SOX5: variants seen among roughly 807,000 people sequenced by gnomAD.
The protein encoded by SOX5 is transcription factor SOX-5.
Under a neutral mutation model 92.0 loss-of-function variants are expected in SOX5, and 9 were observed. The observed-to-expected ratio is 0.10, with a 90% CI of 0.06 to 0.17. The LOEUF (loss-of-function observed/expected upper bound fraction) is 0.17, where lower values mean the gene tolerates loss of function less well. Ranked by LOEUF, SOX5 falls within the 10% of genes least tolerant of loss-of-function variation. The pLI is 1.00. For synonymous variants in SOX5, 344 were observed against 336.3 expected (o/e 1.02, Z -0.25); for missense variants, 642 against 944.5 (o/e 0.68, Z 4.20).
chr12:24,256,159 G>A (rs1463828051), intron 3 of SOX5, among the ~76,000 whole-genome samples: 1 of 152,230 alleles, frequency 6.6e-6, no homozygotes, highest in Non-Finnish European at 1.5e-5. Flanking sequence ...AGCCCGAGAT[G>A]TGTGGCAGAT....
chr12:24,006,532 T>C (rs560917033), intron 4 of SOX5, among the ~76,000 whole-genome samples: 56 of 152,168 alleles, frequency 3.7e-4, no homozygotes, highest in Admixed American at 3.2e-3. Flanking sequence ...GGGAGCTGGA[T>C]GTTTACAGAG....
At chr12:24,242,713 G>A (rs746396158) in intron 3 of SOX5, among the ~76,000 whole-genome samples, 4 of 151,896 alleles carry the variant, frequency 2.6e-5, no homozygotes, top group Non-Finnish European at 5.9e-5. Flanking sequence ...ATAACTGCAG[G>A]GGGCGGTGGG....
At chr12:24,348,413 C>T (rs575339006) in intron 2 of SOX5, among the ~76,000 whole-genome samples, 10 of 122,002 alleles carry the variant, frequency 8.2e-5, no homozygotes, top group African/African-American at 2.7e-4. Context: ...GATGGAGGCT[C>T]ACTCTGTTGC....
intron 3 of SOX5, among the ~76,000 whole-genome samples, chr12:23,845,512 T>G (rs571962115): frequency 6.6e-6 from 1 of 152,284 alleles, no homozygotes; most frequent in African/African-American, 2.4e-5. Context: ...ATCTAAAAGT[T>G]AAAGAATCAC....
chr12:24,151,498 C>T (rs539674022), intron 4 of SOX5, among the ~76,000 whole-genome samples: 11 of 152,050 alleles, frequency 7.2e-5, no homozygotes, highest in Non-Finnish European at 1.5e-4. Context: ...GAAAAGTCCT[C>T]TCTGATACAT....
intron 3 of SOX5, among the ~76,000 whole-genome samples, chr12:23,782,128 G>T (rs1490811024): frequency 6.6e-6 from 1 of 151,952 alleles, no homozygotes; most frequent in Non-Finnish European, 1.5e-5. Flanking sequence ...TATAATTTCA[G>T]TTTCCAACTC....
chr12:23,886,858 T>C (rs2097073365), intron 2 of SOX5, among the ~76,000 whole-genome samples: 1 of 152,178 alleles, frequency 6.6e-6, no homozygotes, highest in South Asian at 2.1e-4. Context: ...CACCAGTATC[T>C]GCTAAAGCAT....
At chr12:23,806,289 A>C (rs1327081422) in intron 3 of SOX5, among the ~76,000 whole-genome samples, 1 of 152,204 alleles carries the variant, frequency 6.6e-6, no homozygotes, top group Non-Finnish European at 1.5e-5. Flanking sequence ...AGAAAGCATT[A>C]GGACAAGAAT....
intron 1 of SOX5, among the ~76,000 whole-genome samples, chr12:24,520,712 GA>G (rs1158121017): frequency 2.6e-5 from 4 of 151,764 alleles, no homozygotes; most frequent in African/African-American, 7.3e-5. Flanking sequence ...TGAATCGATA[GA>G]AAAAAAATCC....
chr12:23,887,307 A>G (rs1417067677), intron 2 of SOX5, among the ~76,000 whole-genome samples: 1 of 152,214 alleles, frequency 6.6e-6, no homozygotes, highest in African/African-American at 2.4e-5. Context: ...AAGAAGATCC[A>G]TTAAGAATGT....
At chr12:23,937,300 T>C (rs898215065) in intron 1 of SOX5, among the ~76,000 whole-genome samples, 4 of 150,960 alleles carry the variant, frequency 2.6e-5, no homozygotes, top group South Asian at 2.1e-4. Context: ...GCATCTAATA[T>C]ATGATATTTA....
intron 1 of SOX5, among the ~76,000 whole-genome samples, chr12:24,444,480 T>TC (rs1941159696): frequency 6.6e-6 from 1 of 152,194 alleles, no homozygotes; most frequent in Non-Finnish European, 1.5e-5. Context: ...CTATTTGAAT[T>TC]CCCCCATAGG....
rs777785887 is a variant in SOX5 at position 24,331,873 on chromosome 12, A to AAAT, written c.-174+36689_-174+36690insATT. On this transcript the variant is annotated intron_variant, in intron 2 of 4. Coordinates refer to the SOX5 transcript ENST00000446891. ...CAAAAAAAAAAAAAAAAAAAAAAAA[A>AAAT]AAGGAAAGAAATTTAAAATACAATC... Among the ~76,000 whole-genome samples the AAAT allele has an allele frequency of 4.6e-4, 65 of 141,302 alleles. 2 individuals are homozygous for AAAT. The highest frequency in any genetic ancestry group is 9.3e-4 in the Non-Finnish European group (58 of 62,598). The allele number at this position is 141,302 out of a possible 152,430, so 92.7% of individuals were successfully genotyped here.
intron 1 of SOX5, among the ~76,000 whole-genome samples, chr12:24,414,012 AG>A (rs1386732780): frequency 6.6e-6 from 1 of 152,214 alleles, no homozygotes; most frequent in Non-Finnish European, 1.5e-5. Flanking sequence ...TGTAGCTCTG[AG>A]TGATAGACTT....
intron 4 of SOX5, among the ~76,000 whole-genome samples, chr12:23,981,002 A>C (rs977671907): frequency 6.6e-6 from 1 of 152,170 alleles, no homozygotes; most frequent in Non-Finnish European, 1.5e-5. Flanking sequence ...CAAAACAGGA[A>C]TAACGTGTTT....
Position 24,014,305 on chromosome 12 carries a change from T to C in SOX5, c.-1-118281A>G, listed in dbSNP as rs186259716. On this transcript the variant is annotated intron_variant, in intron 4 of 4. Coordinates refer to the SOX5 transcript ENST00000446891. ...AACCTTCCTGGATAACTACTCATTA[T>C]GCATGACGGCATACCAACCTGTGAG... Among the ~76,000 whole-genome samples, 26 of 152,336 alleles carry C rather than the reference T, an allele frequency of 1.7e-4. 1 individual carries two copies. Among genetic ancestry groups the C allele is most frequent in the Admixed American group, 7.2e-4 (11 of 15,296 alleles).
rs1320871667 is a variant in SOX5 at position 24,038,929 on chromosome 12, A to T, written c.-1-142905T>A. Among the ~76,000 whole-genome samples the T allele has an allele frequency of 2.6e-5, 4 of 152,214 alleles. 1 individual carries two copies. Among genetic ancestry groups the T allele is most frequent in the Non-Finnish European group, 5.9e-5 (4 of 68,028 alleles). ...TATCTGGACATCTAATTAAAAACTA[A>T]AAGTTATTATTCTCACAATTATCAC... On this transcript the variant is annotated intron_variant, in intron 4 of 4. Coordinates refer to the SOX5 transcript ENST00000446891.
At chr12:23,845,718 A>G (rs1325398433) in intron 3 of SOX5, among the ~76,000 whole-genome samples, 2 of 152,164 alleles carry the variant, frequency 1.3e-5, no homozygotes, top group South Asian at 2.1e-4. Context: ...CTCTGCTGCC[A>G]CATTCTATTC....
chr12:24,227,032 T>C (rs1178216758), intron 3 of SOX5: 2 of 152,220 alleles, frequency 1.3e-5, no homozygotes, highest in Non-Finnish European at 2.9e-5. Context: ...AGCCTGGAGA[T>C]GAGGTAAAGA....
Sources: gnomAD v4.1 joint callset for allele counts (sites outside exome capture counted in the v4.1 genomes callset) on GRCh38, gnomAD v4.1.1 for gene constraint, MANE v1.5 for transcripts, NCBI Gene and HGNC (gene_info 2026-07-23, HGNC 2026-07-21) for gene names.